TTLL5: variants seen among roughly 807,000 people sequenced by gnomAD.
TTLL5 encodes tubulin polyglutamylase TTLL5.
A neutral mutation model predicts 168.4 loss-of-function variants in TTLL5; 132 were observed. The ratio of observed to expected loss-of-function variants is 0.78; its 90% CI spans 0.68 to 0.91. The LOEUF (loss-of-function observed/expected upper bound fraction) is 0.91, where lower values mean the gene tolerates loss of function less well. TTLL5 is among the 40% of genes least tolerant of loss of function. The pLI, the probability that TTLL5 is intolerant of heterozygous loss-of-function variation, is 0.00. For synonymous variants in TTLL5, 546 were observed against 558.6 expected (o/e 0.98, Z 0.32); for missense variants, 1,545 against 1,581.5 (o/e 0.98, Z 0.39).
Position 75,954,568 on chromosome 14 carries a change from A to G in TTLL5, c.*122A>G. ...TTTTTTTGCTGCCTCAAAGTCCCCA[A>G]AGCCTTCGAGCAGAAGTGGCAGTAG... On this transcript the variant is annotated 3_prime_UTR_variant, in exon 32 of 32. Transcript: ENST00000298832. 9.0e-7 allele frequency: 1 copy of G among 1,110,934 alleles called. No homozygotes were observed. The allele number at this position is 1,110,934 out of a possible 1,614,324, so 68.8% of individuals were successfully genotyped here. A position where few individuals can be genotyped will look rare whatever the true frequency, so the allele number is the denominator to read the frequency against.
intron 31 of TTLL5, among the ~76,000 whole-genome samples, chr14:75,931,386 C>T (rs6574261): frequency 0.77 from 117,140 of 152,094 alleles, 45,226 homozygotes; most frequent in Admixed American, 0.83. Flanking sequence ...CCCCTCAGTC[C>T]GCATATTTGA....
chr14:75,889,441 AG>A (rs1345650352), intron 30 of TTLL5, among the ~76,000 whole-genome samples: 3 of 152,218 alleles, frequency 2.0e-5, no homozygotes, highest in African/African-American at 7.2e-5. Flanking sequence ...CTTGTGGAAT[AG>A]TTTTCTAAAC....
At chr14:75,748,208 C>G (rs763077220) in intron 17 of TTLL5, among the ~76,000 whole-genome samples, 1 of 150,810 alleles carries the variant, frequency 6.6e-6, no homozygotes, top group Non-Finnish European at 1.5e-5. Flanking sequence ...AGAGCGTGTC[C>G]TGTAACAGTT....
intron 27 of TTLL5, among the ~76,000 whole-genome samples, chr14:75,812,732 G>A (rs1002945850): frequency 6.6e-6 from 1 of 152,132 alleles, no homozygotes; most frequent in Non-Finnish European, 1.5e-5. Flanking sequence ...AGGAAGCATT[G>A]AATGGTTCCT....
chr14:75,794,783 G>A (rs994697360), intron 27 of TTLL5, among the ~76,000 whole-genome samples: 3 of 152,176 alleles, frequency 2.0e-5, no homozygotes, highest in African/African-American at 7.2e-5. Context: ...TGGAGTAGTG[G>A]AGAAAGAGCT....
intron 31 of TTLL5, among the ~76,000 whole-genome samples, chr14:75,933,484 A>G (rs533702257): frequency 1.1e-4 from 17 of 152,190 alleles, no homozygotes; most frequent in Non-Finnish European, 2.2e-4. Context: ...CACAGTTATT[A>G]TCTCACAGTT....
Position 75,857,856 on chromosome 14 carries a change from G to T in TTLL5, c.3327-5811G>T, listed in dbSNP as rs182093888. ...AGTAGAGATGGGGTTTCAACATGTT[G>T]GCCAGACTGGTCTCGAACTCCTGAA... On this transcript the variant is annotated intron_variant, in intron 28 of 31. Coordinates refer to ENST00000298832, the MANE Select transcript of TTLL5 (RefSeq NM_015072.5). 1.8e-4 allele frequency among the ~76,000 whole-genome samples: 27 copies of T among 151,882 alleles called. 1 individual carries two copies. The East Asian group carries it at 5.0e-3, about 28-fold the overall frequency.
At chr14:75,909,513 C>T (rs954907992) in intron 31 of TTLL5, among the ~76,000 whole-genome samples, 1 of 151,818 alleles carries the variant, frequency 6.6e-6, no homozygotes, top group African/African-American at 2.4e-5. Flanking sequence ...GCTTAGTGTG[C>T]AGTGACCCCC....
intron 31 of TTLL5, among the ~76,000 whole-genome samples, chr14:75,923,506 G>A (rs909403163): frequency 6.6e-6 from 1 of 152,142 alleles, no homozygotes; most frequent in Non-Finnish European, 1.5e-5. Flanking sequence ...CAGTTTCCAT[G>A]TAGTTGTGTG....
At chr14:75,726,781 G>T (rs980807682) in intron 12 of TTLL5, among the ~76,000 whole-genome samples, 2 of 152,162 alleles carry the variant, frequency 1.3e-5, no homozygotes, top group Non-Finnish European at 2.9e-5. Flanking sequence ...AGAATATAAA[G>T]AATTGACAAG....
rs182149075 is a variant in TTLL5 at position 75,880,089 on chromosome 14, G to C, written c.3523-2596G>C. ...AGCTAACCAATTCTTCTCCCTGAAGGCTACCAGTTTTTTGTGTATACTTCC... is the reference window on the plus strand; with the variant it reads ...AGCTAACCAATTCTTCTCCCTGAAGCCTACCAGTTTTTTGTGTATACTTCC... On this transcript the variant is annotated intron_variant, in intron 29 of 31. Coordinates refer to ENST00000298832, the MANE Select transcript of TTLL5 (RefSeq NM_015072.5). Among the ~76,000 whole-genome samples, 303 of 152,122 alleles carry C rather than the reference G, an allele frequency of 2.0e-3. 4 individuals are homozygous for C. The highest frequency in any genetic ancestry group is 7.8e-3 in the Admixed American group (119 of 15,262).
chr14:75,919,794 A>C (rs558005339), intron 31 of TTLL5, among the ~76,000 whole-genome samples: 278 of 152,326 alleles, frequency 1.8e-3, no homozygotes, highest in African/African-American at 6.2e-3. Context: ...TCAGAATTTT[A>C]AAATTATGTG....
chr14:75,938,229 CAAAAG>C (rs2034492080), intron 31 of TTLL5, among the ~76,000 whole-genome samples: 2 of 152,160 alleles, frequency 1.3e-5, no homozygotes, highest in Admixed American at 6.5e-5. Flanking sequence ...AGGTTTTTCT[CAAAAG>C]AGAAGGAGAA....
At chr14:75,896,872 G>A (rs1317119085) in intron 30 of TTLL5, among the ~76,000 whole-genome samples, 1 of 152,066 alleles carries the variant, frequency 6.6e-6, no homozygotes, top group Non-Finnish European at 1.5e-5. Context: ...CCTGGACTGG[G>A]TTTTATGTAT....
intron 29 of TTLL5, among the ~76,000 whole-genome samples, chr14:75,880,922 C>T (rs550843592): frequency 3.9e-5 from 6 of 152,106 alleles, no homozygotes; most frequent in South Asian, 2.1e-4. Context: ...CTCTTCCCCC[C>T]GCTTTTTTTG....
rs1448795583 is a variant in TTLL5, at chr14:75,954,523, C to T, written c.*77C>T. 3 of 1,539,222 alleles carry T rather than the reference C, an allele frequency of 1.9e-6. No individual in the cohort carries two copies. Among genetic ancestry groups the T allele is most frequent in the East Asian group, 2.2e-5 (1 of 44,508 alleles). Reference sequence around the variant, plus strand: ...GAGGGTGAAGCATCCACCAGCACTTCAAGGGGTCCATAGTATTTTTTTTTT... The same window carrying T: ...GAGGGTGAAGCATCCACCAGCACTTTAAGGGGTCCATAGTATTTTTTTTTT... On this transcript the variant is annotated 3_prime_UTR_variant, in exon 32 of 32. Transcript: ENST00000298832.
At chr14:75,813,828 A>T (rs1474945731) in intron 27 of TTLL5, among the ~76,000 whole-genome samples, 1 of 37,586 alleles carries the variant, frequency 2.7e-5, no homozygotes, top group Admixed American at 3.9e-4. Flanking sequence ...GGTTTCAATT[A>T]AAAAAAAAAA....
chr14:75,682,636 G>A (rs1424819197), intron 4 of TTLL5, among the ~76,000 whole-genome samples: 2 of 152,056 alleles, frequency 1.3e-5, no homozygotes, highest in Admixed American at 6.5e-5. Flanking sequence ...AGATTGGAAT[G>A]TAAACATCAA....
intron 20 of TTLL5, among the ~76,000 whole-genome samples, chr14:75,769,437 TG>T (rs1345512304): frequency 1.6e-4 from 25 of 152,222 alleles, no homozygotes; most frequent in African/African-American, 5.5e-4. Context: ...TTTCATCTTT[TG>T]GGGGGTTTGT....
Sources: gnomAD v4.1 joint callset for allele counts (sites outside exome capture counted in the v4.1 genomes callset) on GRCh38, gnomAD v4.1.1 for gene constraint, MANE v1.5 for transcripts, NCBI Gene and HGNC (gene_info 2026-07-23, HGNC 2026-07-21) for gene names.